LAMA2: variants seen among roughly 807,000 people sequenced by gnomAD.
The protein encoded by LAMA2 is laminin subunit alpha-2.
LAMA2 carries 269 observed loss-of-function variants against 364.8 expected under a neutral mutation model. The ratio of observed to expected loss-of-function variants is 0.74; its 90% CI spans 0.67 to 0.82. The LOEUF is 0.82. Among genes scored for constraint, LAMA2 ranks in the 40% least tolerant of loss-of-function variants. The probability of loss-of-function intolerance (pLI) is 0.00; values close to 1 mark genes in which losing one functional copy is unlikely to be tolerated. For synonymous variants in LAMA2, 1,379 were observed against 1,370.6 expected, an observed-to-expected ratio of 1.01 and a Z score of -0.14; for missense variants, 3,807 against 3,873.2, an observed-to-expected ratio of 0.98 and a Z score of 0.45.
rs111798573 is a variant in LAMA2 at position 129,370,070 on chromosome 6, G to A, written c.4959+80G>A. ...GAAAATTACTTCAAAGTTCTGAAAT[G>A]CAAATCACCTTCTTCCTAATTCCCA... On this transcript the variant is annotated intron_variant, in intron 34 of 64. Transcript: ENST00000421865. 6 of 1,117,954 alleles carry A rather than the reference G, an allele frequency of 5.4e-6. No homozygotes were observed. The African/African-American group carries it at 7.7e-5, about 14-fold the overall frequency. The allele number at this position is 1,117,954 out of a possible 1,614,324, so 69.3% of individuals were successfully genotyped here. A position where few individuals can be genotyped will look rare whatever the true frequency, so the allele number is the denominator to read the frequency against.
chr6:129,283,348 C>G (rs996698471), intron 18 of LAMA2, among the ~76,000 whole-genome samples: 2 of 152,066 alleles, frequency 1.3e-5, no homozygotes, highest in Admixed American at 1.3e-4. Context: ...GGATACCTGC[C>G]TGATCGGACA....
At chr6:129,470,713 C>T (rs1783770144) in intron 51 of LAMA2, among the ~76,000 whole-genome samples, 1 of 151,972 alleles carries the variant, frequency 6.6e-6, no homozygotes, top group African/African-American at 2.4e-5. Flanking sequence ...AGGACTTTAG[C>T]AAGACCAGAG....
intron 30 of LAMA2, among the ~76,000 whole-genome samples, chr6:129,344,262 C>T (rs146478118): frequency 3.9e-4 from 59 of 152,072 alleles, no homozygotes; most frequent in African/African-American, 1.4e-3. Context: ...TAATTAGAAC[C>T]AGAAGTAGGT....
chr6:129,453,546 T>C (rs1322016192), intron 46 of LAMA2, among the ~76,000 whole-genome samples: 1 of 152,164 alleles, frequency 6.6e-6, no homozygotes, highest in Non-Finnish European at 1.5e-5. Context: ...TTTTTACCAA[T>C]GGAAACTCTT....
In LAMA2 at chr6:129,487,738, G is replaced by A. The variant is rs144290730; in HGVS notation, c.7898+1116G>A. Among the ~76,000 whole-genome samples, 542 of 152,226 alleles carry A rather than the reference G, an allele frequency of 3.6e-3. 3 individuals carry two copies. The highest frequency in any genetic ancestry group is 0.011 in the African/African-American group (459 of 41,546). On this transcript the variant is annotated intron_variant, in intron 56 of 64. Coordinates refer to ENST00000421865, the MANE Select transcript of LAMA2 (RefSeq NM_000426.4). ...TATTAGGTAGAGGATTAGGCTGTAG[G>A]ATGAATTGATACAAAGCGTTCATGC... is the stretch of plus-strand genomic sequence containing the variant.
At chr6:129,112,816 A>G (rs916323917) in intron 4 of LAMA2, among the ~76,000 whole-genome samples, 4 of 151,950 alleles carry the variant, frequency 2.6e-5, no homozygotes, top group Non-Finnish European at 5.9e-5. Context: ...GAGACAGGCT[A>G]TGTTCCTAGC....
At chr6:128,982,474 A>C (rs1028982079) in intron 1 of LAMA2, among the ~76,000 whole-genome samples, 9 of 152,184 alleles carry the variant, frequency 5.9e-5, no homozygotes, top group Non-Finnish European at 1.3e-4. Flanking sequence ...CATAACATTG[A>C]GTGAATATGC....
intron 1 of LAMA2, among the ~76,000 whole-genome samples, chr6:128,917,403 T>G (rs1778391953): frequency 6.6e-6 from 1 of 152,074 alleles, no homozygotes; most frequent in Admixed American, 6.5e-5. Flanking sequence ...CTTTTACTTT[T>G]TCTTTTATTC....
chr6:129,167,239 C>T (rs1278997480), intron 9 of LAMA2, among the ~76,000 whole-genome samples: 1 of 151,518 alleles, frequency 6.6e-6, no homozygotes, highest in Non-Finnish European at 1.5e-5. Context: ...TATACATGTG[C>T]CATGCTGGTG....
At chr6:129,347,400 G>T (rs1004702898) in intron 30 of LAMA2, among the ~76,000 whole-genome samples, 1 of 152,114 alleles carries the variant, frequency 6.6e-6, no homozygotes, top group Non-Finnish European at 1.5e-5. Flanking sequence ...ATTCAGAGGA[G>T]AGAGGAGAAG....
At chr6:129,285,634 ACT>A (rs967959909) in intron 18 of LAMA2, among the ~76,000 whole-genome samples, 2 of 152,102 alleles carry the variant, frequency 1.3e-5, no homozygotes, top group Non-Finnish European at 2.9e-5. Context: ...GCACAAAGTC[ACT>A]CTCTTAGTGG....
intron 9 of LAMA2, among the ~76,000 whole-genome samples, chr6:129,167,045 A>G (rs1037359041): frequency 2.0e-5 from 3 of 152,184 alleles, no homozygotes; most frequent in South Asian, 4.1e-4. Flanking sequence ...AAAACAATAC[A>G]TAGTAAAATA....
At position 129,453,072 on chromosome 6, in the gene LAMA2, G is replaced by A. The variant is rs776304330; in HGVS notation, c.6514G>A (p.Val2172Ile). The A allele has an allele frequency of 1.2e-6, 2 of 1,613,014 alleles. No homozygotes were observed. The highest frequency in any genetic ancestry group is 1.7e-6 in the Non-Finnish European group (2 of 1,179,400). The change falls in exon 46 of 65, where the codon GTC becomes ATC. Residue 2172 changes from valine (V) to isoleucine (I), a missense_variant. Physicochemically the swap from Val to Ile is conservative, Grantham distance 29 (BLOSUM62 3). Around this residue, in one of 3 missense-constraint regions of LAMA2, gnomAD observed 3,333 missense variants for 3,345.7 expected, o/e 1.00. Coordinates refer to ENST00000421865, the MANE Select transcript of LAMA2 (RefSeq NM_000426.4). The part of the protein sequence containing the change: ...IKKGSYNNIV[V>I]NVKTAVADNL... Reference sequence around the variant, plus strand: ...GAAAGGAAGTTACAATAATATTGTTGTCAACGTAAAGACAGCTGTTGCTGA... The same window carrying A: ...GAAAGGAAGTTACAATAATATTGTTATCAACGTAAAGACAGCTGTTGCTGA...
At position 129,393,145 on chromosome 6, in the gene LAMA2, T is replaced by C. The variant is rs746898932; in HGVS notation, c.5335T>C (p.Tyr1779His). ...GGATCTCCGGGAAAAACTGGCTGAC[T>C]ACAAAAACAAAGTTGATGATGCTTG... ...EKDLREKLAD[Y>H]KNKVDDAWDL... Residue 1779 changes from tyrosine to histidine, a missense_variant, in exon 37 of 65, where the codon TAC becomes CAC. Physicochemically the swap from Tyr to His is moderately conservative, Grantham distance 83. Transcript: ENST00000421865. 7 of 1,614,004 alleles carry C rather than the reference T, an allele frequency of 4.3e-6. No individual in the cohort carries two copies. In the East Asian group the frequency reaches 1.6e-4, roughly 36 times the overall value.
At chr6:129,362,121 A>T (rs893428799) in intron 32 of LAMA2, among the ~76,000 whole-genome samples, 1 of 151,964 alleles carries the variant, frequency 6.6e-6, no homozygotes, top group African/African-American at 2.4e-5. Context: ...AGAAATGATC[A>T]TCGCTTTGAT....
rs1231010910 is a variant in LAMA2 at position 128,998,612 on chromosome 6, T to G, written c.113-51306T>G. 2.1e-3 allele frequency among the ~76,000 whole-genome samples: 26 copies of G among 12,170 alleles called. 2 individuals carry two copies. The East Asian group carries it at 0.023, about 11-fold the overall frequency. 8.0% of individuals were successfully genotyped at this position (12,170 alleles called of 152,430 possible). On this transcript the variant is annotated intron_variant, in intron 1 of 64. Coordinates refer to ENST00000421865, the MANE Select transcript of LAMA2 (RefSeq NM_000426.4). ...AAGCGCAAGGGGTCAGGGAGTTCCCTTTCCGAGTCAAAGAAAGGGGTGACG... is the reference window on the plus strand; with the variant it reads ...AAGCGCAAGGGGTCAGGGAGTTCCCGTTCCGAGTCAAAGAAAGGGGTGACG...
At chr6:129,048,493 T>TTCCTTCCTTCC (rs1787723179) in intron 1 of LAMA2, among the ~76,000 whole-genome samples, 19 of 51,340 alleles carry the variant, frequency 3.7e-4, no homozygotes, top group African/African-American at 1.1e-3. Flanking sequence ...TCTTTCTTTC[T>TTCCTTCCTTCC]TTCCTTCCTT....
At chr6:129,033,728 A>G (rs1358753588) in intron 1 of LAMA2, among the ~76,000 whole-genome samples, 2 of 152,058 alleles carry the variant, frequency 1.3e-5, no homozygotes, top group Non-Finnish European at 2.9e-5. Flanking sequence ...TTGATTTTGG[A>G]AGAAAGACAG....
intron 36 of LAMA2, 46 bp downstream of exon 36, chr6:129,391,699 C>G: frequency 6.5e-7 from 1 of 1,537,816 alleles, no homozygotes; most frequent in South Asian, 1.1e-5. Flanking sequence ...ACTGAGATTT[C>G]CAGATAATTT....
Sources: gnomAD v4.1 joint callset for allele counts (sites outside exome capture counted in the v4.1 genomes callset) on GRCh38, gnomAD v4.1.1 for gene constraint, gnomAD v4.1.1 regional missense constraint, MANE v1.5 for transcripts, NCBI Gene and HGNC (gene_info 2026-07-23, HGNC 2026-07-21) for gene names.